FER1L6: variants seen among roughly 807,000 people sequenced by gnomAD.
FER1L6 encodes fer-1-like protein 6.
A neutral mutation model predicts 219.2 loss-of-function variants in FER1L6; 177 were observed. The observed-to-expected ratio is 0.81, with a 90% confidence interval of 0.71 to 0.91. The LOEUF (loss-of-function observed/expected upper bound fraction) is 0.91, where lower values mean the gene tolerates loss of function less well. FER1L6 is among the 40% of genes least tolerant of loss of function. The pLI is 0.00. For missense variants in FER1L6, 2,153 were observed against 2,259.9 expected (o/e 0.95, Z 0.96); for synonymous variants, 768 against 824.3 (o/e 0.93, Z 1.17).
At chr8:123,952,991 C>T (rs909158816) in intron 1 of FER1L6, among the ~76,000 whole-genome samples, 5 of 152,146 alleles carry the variant, frequency 3.3e-5, no homozygotes, top group Admixed American at 1.3e-4. Flanking sequence ...AAGTATCCAA[C>T]CCCAAATTCT....
At chr8:123,930,218 C>T (rs541316049) in intron 1 of FER1L6, among the ~76,000 whole-genome samples, 2 of 152,084 alleles carry the variant, frequency 1.3e-5, no homozygotes, top group African/African-American at 2.4e-5. Flanking sequence ...GTATTTAGTT[C>T]TATGTAATTT....
At position 123,968,485 on chromosome 8, in the gene FER1L6, C is replaced by A. The variant is rs142671564; in HGVS notation, c.385-1550C>A. Reference sequence around the variant, plus strand: ...GGAGGTCTCGGAAGCCTATGTGAGGCAGTTGAGTCTGAAACATATGAAACC... The same window carrying A: ...GGAGGTCTCGGAAGCCTATGTGAGGAAGTTGAGTCTGAAACATATGAAACC... On this transcript the variant is annotated intron_variant, in intron 5 of 40. Transcript: ENST00000522917. Among the ~76,000 whole-genome samples, 693 of 152,254 alleles carry A rather than the reference C, an allele frequency of 4.6e-3. 4 individuals carry two copies. The highest frequency in any genetic ancestry group is 0.016 in the South Asian group (77 of 4,818).
intron 31 of FER1L6, among the ~76,000 whole-genome samples, chr8:124,074,162 C>A (rs933113481): frequency 1.3e-5 from 2 of 152,116 alleles, no homozygotes; most frequent in Non-Finnish European, 2.9e-5. Context: ...TTGCTTTTGA[C>A]AGTTTAAGGC....
intron 3 of FER1L6, among the ~76,000 whole-genome samples, chr8:123,965,010 A>G (rs921827125): frequency 3.9e-5 from 6 of 152,218 alleles, no homozygotes; most frequent in African/African-American, 1.4e-4. Flanking sequence ...GGGCTTTCAC[A>G]TAATAAATAA....
At chr8:124,060,861 GTTGTT>G in intron 24 of FER1L6, 152 bp downstream of exon 24, 5 of 930,168 alleles carry the variant, frequency 5.4e-6, no homozygotes, top group Non-Finnish European at 7.7e-6. Context: ...TTTTGTTGTT[GTTGTT>G]TTGTTTTGAA....
chr8:123,944,777 C>G (rs1295947079), intron 1 of FER1L6, among the ~76,000 whole-genome samples: 1 of 152,156 alleles, frequency 6.6e-6, no homozygotes, highest in African/African-American at 2.4e-5. Flanking sequence ...CCTCCTTTCC[C>G]TCACAGGGCT....
chr8:123,921,649 G>T (rs576709475), intron 1 of FER1L6, among the ~76,000 whole-genome samples: 1 of 151,474 alleles, frequency 6.6e-6, no homozygotes, highest in African/African-American at 2.4e-5. Flanking sequence ...AGTGTGTGCC[G>T]GGACAGCGGG....
chr8:123,946,533 T>A (rs1387674818), intron 1 of FER1L6, among the ~76,000 whole-genome samples: 1 of 152,192 alleles, frequency 6.6e-6, no homozygotes, highest in Non-Finnish European at 1.5e-5. Flanking sequence ...GGATTACAGG[T>A]GTGAGCCACG....
chr8:123,889,742 G>A (rs1325790277), intron 1 of FER1L6, among the ~76,000 whole-genome samples: 1 of 152,052 alleles, frequency 6.6e-6, no homozygotes, highest in African/African-American at 2.4e-5. Flanking sequence ...GGTTATTTAT[G>A]ACAGAAGAAA....
intron 19 of FER1L6, chr8:124,036,292 C>CA (rs1819204021): frequency 6.6e-6 from 1 of 152,142 alleles, no homozygotes; most frequent in African/African-American, 2.4e-5. Context: ...GCTCAATAGT[C>CA]AGAGAATACA....
chr8:123,921,174 C>T (rs764752538), intron 1 of FER1L6, among the ~76,000 whole-genome samples: 31 of 152,098 alleles, frequency 2.0e-4, no homozygotes, highest in Non-Finnish European at 1.5e-5. Flanking sequence ...CTTCAAGATT[C>T]TGCTTTCTAT....
At chr8:123,913,086 A>C (rs1813085676) in intron 1 of FER1L6, among the ~76,000 whole-genome samples, 1 of 152,132 alleles carries the variant, frequency 6.6e-6, no homozygotes, top group Admixed American at 6.5e-5. Flanking sequence ...TATTTTTAAG[A>C]GATAATTTGT....
chr8:124,037,772 T>G (rs900544661), intron 19 of FER1L6, among the ~76,000 whole-genome samples: 1 of 152,116 alleles, frequency 6.6e-6, no homozygotes, highest in Non-Finnish European at 1.5e-5. Context: ...AGGAGTTGTC[T>G]TTGGCACCCC....
chr8:123,861,113 A>G (rs1322893956), intron 1 of FER1L6, among the ~76,000 whole-genome samples: 1 of 102,252 alleles, frequency 9.8e-6, no homozygotes, highest in Non-Finnish European at 1.9e-5. Flanking sequence ...TTATGGTTTT[A>G]GGTCTAACGT....
intron 1 of FER1L6, among the ~76,000 whole-genome samples, chr8:123,876,310 T>C (rs1817003138): frequency 6.6e-6 from 1 of 152,032 alleles, no homozygotes; most frequent in African/African-American, 2.4e-5. Context: ...TTCACTCAGA[T>C]CTATTTAAAT....
intron 1 of FER1L6, among the ~76,000 whole-genome samples, chr8:123,874,529 A>G (rs1816971484): frequency 6.6e-6 from 1 of 152,250 alleles, no homozygotes; most frequent in Non-Finnish European, 1.5e-5. Context: ...AGTAATACTC[A>G]GAAAAGAGCT....
At chr8:124,034,597 A>G (rs1819119037) in intron 18 of FER1L6, among the ~76,000 whole-genome samples, 1 of 152,226 alleles carries the variant, frequency 6.6e-6, no homozygotes. Context: ...AGCACATTCA[A>G]AAGAGAGAGA....
intron 1 of FER1L6, among the ~76,000 whole-genome samples, chr8:123,868,435 G>A (rs962389448): frequency 3.9e-5 from 6 of 152,180 alleles, no homozygotes; most frequent in Admixed American, 2.0e-4. Flanking sequence ...GTCAGTTCAA[G>A]AGAGCTCTTT....
At chr8:123,901,053 T>C (rs1392393994) in intron 1 of FER1L6, among the ~76,000 whole-genome samples, 1 of 152,230 alleles carries the variant, frequency 6.6e-6, no homozygotes, top group Non-Finnish European at 1.5e-5. Context: ...TTCTCTATCT[T>C]GTGGAATAGT....
Sources: gnomAD v4.1 joint callset for allele counts (sites outside exome capture counted in the v4.1 genomes callset) on GRCh38, gnomAD v4.1.1 for gene constraint, MANE v1.5 for transcripts, NCBI Gene and HGNC (gene_info 2026-07-23, HGNC 2026-07-21) for gene names.